Variants in OGFOD1 observed in about 807,000 individuals in gnomAD.
OGFOD1 encodes the protein prolyl 3-hydroxylase OGFOD1.
In OGFOD1, 54 loss-of-function variants were observed where a neutral mutation model predicts 67.7. That is an observed-to-expected ratio of 0.80 (90% CI 0.64 to 1.00). The LOEUF (loss-of-function observed/expected upper bound fraction) is 1.00. Ranked by LOEUF, OGFOD1 falls within the 50% of genes least tolerant of loss-of-function variation. The pLI is 0.00. For missense variants in OGFOD1, 606 were observed against 646.7 expected (o/e 0.94, Z 0.68); for synonymous variants, 221 against 227.0 (o/e 0.97, Z 0.24).
At position 56,458,318 on chromosome 16, in the gene OGFOD1, C is replaced by T. The variant is rs1462918307; in HGVS notation, c.301-230C>T. On this transcript the variant is annotated intron_variant, in intron 2 of 12. Coordinates refer to ENST00000566157, the MANE Select transcript of OGFOD1 (RefSeq NM_018233.4). ...TCCCTCAATGGGCATAGAAACTAGA[C>T]TATAATAACGACTTAAGTATTTGTT... The T allele has an allele frequency of 1.3e-5, 7 of 524,214 alleles. No homozygotes were observed. In the East Asian group the frequency reaches 2.4e-4, roughly 18 times the overall value. The allele number at this position is 524,214 out of a possible 1,614,324, so 32.5% of individuals were successfully genotyped here. A position where few individuals can be genotyped will look rare whatever the true frequency, so the allele number is the denominator to read the frequency against.
At chr16:56,461,062 T>C (rs550920558) in intron 3 of OGFOD1, among the ~76,000 whole-genome samples, 1 of 152,340 alleles carries the variant, frequency 6.6e-6, no homozygotes, top group Admixed American at 6.5e-5. Context: ...CACTCATCAT[T>C]ATTGCCATTT....
In OGFOD1 at chr16:56,475,556, A is replaced by G; in HGVS notation, c.1458A>G (p.Glu486=). ...GGFTSYIAKG[E]DEELLTVNPE... is the part of the protein sequence containing the mutation. Reference sequence around the variant, plus strand: ...TTACTTCTTACATTGCCAAAGGTGAAGATGAAGAGGTAAGTTTCTTCTGAT... The same window carrying G: ...TTACTTCTTACATTGCCAAAGGTGAGGATGAAGAGGTAAGTTTCTTCTGAT... Residue 486 remains glutamate (E), a synonymous_variant, in exon 12 of 13, where the codon GAA becomes GAG. Coordinates refer to ENST00000566157, the MANE Select transcript of OGFOD1 (RefSeq NM_018233.4). 3 of 1,613,946 alleles carry G rather than the reference A, an allele frequency of 1.9e-6. No individual in the cohort carries two copies. The highest frequency in any genetic ancestry group is 1.7e-6 in the Non-Finnish European group (2 of 1,179,878).
intron 2 of OGFOD1, among the ~76,000 whole-genome samples, chr16:56,457,322 A>G (rs1447537025): frequency 1.3e-5 from 2 of 152,268 alleles, no homozygotes; most frequent in African/African-American, 2.4e-5. Flanking sequence ...GCAAAAGGCT[A>G]CATATTATAT....
intron 1 of OGFOD1, 73 bp downstream of exon 1, chr16:56,451,839 G>A: frequency 6.5e-7 from 1 of 1,537,614 alleles, no homozygotes; most frequent in East Asian, 2.3e-5. Flanking sequence ...TGGGACTCGC[G>A]CCCAGCCTTG....
Position 56,467,910 on chromosome 16 carries a change from G to A in OGFOD1, c.792G>A (p.Glu264=). Residue 264 remains glutamate (E), a synonymous_variant, in exon 8 of 13, where the codon GAG becomes GAA. Transcript: ENST00000566157. ...ATCTGCTGCCTCTTCGTAAGCATGAGATTTTGTATGATTGGATCAACCCTA... is the reference window on the plus strand; with the variant it reads ...ATCTGCTGCCTCTTCGTAAGCATGAAATTTTGTATGATTGGATCAACCCTA... The part of the protein sequence containing the change: ...PRSPHIPQDH[E]ILYDWINPTY... 6.5e-7 allele frequency: 1 copy of A among 1,549,236 alleles called. No individual in the cohort carries two copies. The highest frequency in any genetic ancestry group is 8.9e-7 in the Non-Finnish European group (1 of 1,120,840).
At chr16:56,461,261 A>T (rs1198364092) in intron 3 of OGFOD1, among the ~76,000 whole-genome samples, 2 of 152,224 alleles carry the variant, frequency 1.3e-5, no homozygotes, top group East Asian at 1.9e-4. Context: ...CCAATCACTT[A>T]ATCAATGATT....
chr16:56,475,930 C>G (rs1963449127), intron 12 of OGFOD1, 114 bp from the exon 13 acceptor site: 2 of 928,264 alleles, frequency 2.2e-6, no homozygotes, highest in Non-Finnish European at 3.2e-6. Context: ...TCAGAGGACC[C>G]CTCTATCCCC....
intron 2 of OGFOD1, among the ~76,000 whole-genome samples, chr16:56,457,694 T>G (rs1353823028): frequency 6.6e-6 from 1 of 152,176 alleles, no homozygotes. Context: ...TTAGGTTTTT[T>G]TTTTAGACGG....
At position 56,467,208 on chromosome 16, in the gene OGFOD1, G is replaced by C; in HGVS notation, c.701G>C (p.Ser234Thr). ...GAAGAAAAGTCACGTTTGTCTATAA[G>C]TGGCTGGTTTCATGGTCCATCATTG... The part of the protein sequence containing the change: ...LSEEKSRLSI[S>T]GWFHGPSLTR... The change falls in exon 7 of 13, where the codon AGT becomes ACT. Residue 234 changes from serine (S) to threonine (T), a missense_variant. By Grantham distance (58) the Ser-to-Thr change is moderately conservative. Coordinates refer to ENST00000566157, the MANE Select transcript of OGFOD1 (RefSeq NM_018233.4). 1 of 1,614,124 alleles carries C rather than the reference G, an allele frequency of 6.2e-7. No homozygotes were observed.
chr16:56,467,045 T>C, intron 6 of OGFOD1, 78 bp downstream of exon 6: 1 of 1,532,592 alleles, frequency 6.5e-7, no homozygotes, highest in Non-Finnish European at 9.0e-7. Flanking sequence ...GACAGCTTCC[T>C]GTTAGACTTG....
chr16:56,454,929 T>C (rs530258917), intron 2 of OGFOD1: 37 of 220,364 alleles, frequency 1.7e-4, no homozygotes, highest in African/African-American at 8.7e-4. Context: ...ATGGTAAGGT[T>C]GCACAGGTTA....
chr16:56,454,632 CTG>C (rs1295667570), intron 2 of OGFOD1: 1 of 326,292 alleles, frequency 3.1e-6, no homozygotes, highest in African/African-American at 2.4e-5. Flanking sequence ...TCAGGGACAT[CTG>C]TGCTTCAAAT....
rs1167012167 is a variant in OGFOD1, at chr16:56,470,004, C to T, written c.902C>T (p.Pro301Leu). The T allele has an allele frequency of 6.2e-7, 1 of 1,613,908 alleles. No homozygotes were observed. Among genetic ancestry groups the T allele is most frequent in the East Asian group, 2.2e-5 (1 of 44,884 alleles). ...SEILLKEFLK[P>L]EKFTKVCEAL... ...CTTCTTTATTTGCTCATTTTCTAGCCTGAGAAATTCACGAAAGTCTGTGAG... is the reference window on the plus strand; with the variant it reads ...CTTCTTTATTTGCTCATTTTCTAGCTTGAGAAATTCACGAAAGTCTGTGAG... Residue 301 changes from proline (P) to leucine (L), a missense_variant and splice_region_variant, in exon 9 of 13, where the codon CCT becomes CTT. Transcript: ENST00000566157.
Position 56,462,546 on chromosome 16 carries a change from T to G in OGFOD1, c.360T>G (p.Phe120Leu). The G allele has an allele frequency of 1.2e-6, 2 of 1,609,652 alleles. No homozygotes were observed. The highest frequency in any genetic ancestry group is 2.2e-5 in the East Asian group (1 of 44,832). Residue 120 changes from phenylalanine (F) to leucine (L), a missense_variant, in exon 4 of 13, where the codon TTT (phenylalanine) becomes TTG (leucine). Transcript: ENST00000566157. ...TTTACATTTCTAGGAAAATTCTGTT[T>G]GAAGATTTCCGGTCCTGGCTTTCTG... ...PHISTLRKIL[F>L]EDFRSWLSDI... is the part of the protein sequence containing the mutation.
rs779713615 is a variant in OGFOD1 at position 56,470,629 on chromosome 16, G to A, written c.1123G>A (p.Glu375Lys). The change falls in exon 10 of 13, where the codon GAG becomes AAG. Residue 375 changes from glutamate to lysine, a missense_variant. Glu to Lys is a moderately conservative substitution (Grantham distance 56). Coordinates refer to ENST00000566157, the MANE Select transcript of OGFOD1 (RefSeq NM_018233.4). ...LHFLAPSEED[E>K]MNDKKEAETT... Reference sequence around the variant, plus strand: ...TTTCTTGGCCCCTTCGGAAGAAGATGAGATGAATGATAAAAAAGAGGCAGA... The same window carrying A: ...TTTCTTGGCCCCTTCGGAAGAAGATAAGATGAATGATAAAAAAGAGGCAGA... The A allele has an allele frequency of 3.1e-6, 5 of 1,614,198 alleles. No individual in the cohort carries two copies. In the South Asian group the frequency reaches 3.3e-5, roughly 11 times the overall value.
chr16:56,467,029 A>G, intron 6 of OGFOD1, 62 bp downstream of exon 6: 1 of 1,539,978 alleles, frequency 6.5e-7, no homozygotes, highest in Non-Finnish European at 9.0e-7. Flanking sequence ...CCCATTATCC[A>G]AACATGACAG....
At chr16:56,452,535 A>T (rs1341722021) in intron 1 of OGFOD1, among the ~76,000 whole-genome samples, 2 of 152,162 alleles carry the variant, frequency 1.3e-5, no homozygotes, top group African/African-American at 4.8e-5. Context: ...TTCCGTTGTC[A>T]AGTGCTTTGA....
chr16:56,467,022 A>G (rs765751494), intron 6 of OGFOD1, 55 bp downstream of exon 6: 14 of 1,539,238 alleles, frequency 9.1e-6, no homozygotes, highest in Non-Finnish European at 1.3e-5. Flanking sequence ...TTAATCACCC[A>G]TTATCCAAAC....
intron 7 of OGFOD1, 117 bp downstream of exon 7, chr16:56,467,410 C>T: frequency 1.1e-5 from 12 of 1,090,766 alleles, no homozygotes; most frequent in Admixed American, 5.0e-5. Context: ...CCCCTTTCCA[C>T]TTTTCTTTTT....
Sources: gnomAD v4.1 joint callset for allele counts (sites outside exome capture counted in the v4.1 genomes callset) on GRCh38, gnomAD v4.1.1 for gene constraint, MANE v1.5 for transcripts, NCBI Gene and HGNC (gene_info 2026-07-23, HGNC 2026-07-21) for gene names.